Variants in CROCC observed in about 807,000 individuals in gnomAD.
CROCC encodes the protein rootletin.
In CROCC, 180 loss-of-function variants were observed where a neutral mutation model predicts 245.2. That is an observed-to-expected ratio of 0.73 (90% CI 0.65 to 0.83). CROCC has a LOEUF of 0.83. CROCC is among the 40% of genes least tolerant of loss of function. The pLI, the probability that CROCC is intolerant of heterozygous loss-of-function variation, is 0.00. For synonymous variants in CROCC, 1,205 were observed against 1,241.6 expected, an observed-to-expected ratio of 0.97 and a Z score of 0.62; for missense variants, 2,688 against 2,779.4, an observed-to-expected ratio of 0.97 and a Z score of 0.74.
At chr1:16,958,469 G>C in intron 25 of CROCC, 114 bp from the exon 26 acceptor site, 1 of 1,267,654 alleles carries the variant, frequency 7.9e-7, no homozygotes, top group Non-Finnish European at 1.1e-6. Flanking sequence ...AGTGGATGTG[G>C]GGTGGTATTT....
intron 2 of CROCC, 60 bp downstream of exon 2, chr1:16,922,858 C>T: frequency 1.3e-6 from 2 of 1,573,428 alleles, no homozygotes; most frequent in Non-Finnish European, 8.6e-7. Flanking sequence ...CTTCTCATGT[C>T]CCTTTCCTGA....
chr1:16,920,550 A>G (rs967632003), upstream of CROCC, among the ~76,000 whole-genome samples: 4 of 152,266 alleles, frequency 2.6e-5, no homozygotes, highest in East Asian at 3.8e-4. Context: ...AACCTGTTCA[A>G]GGTCTTACTG....
At position 16,940,071 on chromosome 1, in the gene CROCC, A is replaced by C; in HGVS notation, c.1786A>C (p.Ser596Arg). The change falls in exon 13 of 37, where the codon AGC becomes CGC. Residue 596 changes from serine to arginine, a missense_variant. Ser to Arg is a moderately radical substitution (Grantham distance 110). Transcript: ENST00000375541. Reference sequence around the variant, plus strand: ...CCAGCGCGAGGTGCAGCGGCTGCGGAGCGCCAACGAGCTCCTGAGCAGGTG... The same window carrying C: ...CCAGCGCGAGGTGCAGCGGCTGCGGCGCGCCAACGAGCTCCTGAGCAGGTG... Reference protein sequence around the residue: ...DAQREVQRLRSANELLSREKS... With the variant: ...DAQREVQRLRRANELLSREKS... 6.2e-7 allele frequency: 1 copy of C among 1,606,444 alleles called. No homozygotes were observed. The highest frequency in any genetic ancestry group is 1.7e-5 in the Admixed American group (1 of 59,362).
At chr1:16,947,771 C>A (rs1413202724) in intron 17 of CROCC, among the ~76,000 whole-genome samples, 1 of 152,242 alleles carries the variant, frequency 6.6e-6, no homozygotes, top group Non-Finnish European at 1.5e-5. Flanking sequence ...TAGAGTAATA[C>A]AAGGGTTCTG....
At chr1:16,927,584 A>G (rs546478535) in intron 3 of CROCC, among the ~76,000 whole-genome samples, 499 of 152,296 alleles carry the variant, frequency 3.3e-3, no homozygotes, top group Middle Eastern at 0.031. Flanking sequence ...GAAGGCTCAG[A>G]TGCACCAAAC....
intron 1 of CROCC, 62 bp downstream of exon 1, chr1:16,922,140 G>A (rs1346960148): frequency 2.1e-6 from 3 of 1,419,550 alleles, no homozygotes; most frequent in East Asian, 2.5e-5. Context: ...TAACAGGAGT[G>A]GTGAGAGGTG....
intron 32 of CROCC, among the ~76,000 whole-genome samples, 154 bp from the exon 33 acceptor site, chr1:16,969,631 G>A (rs2076479653): frequency 6.6e-6 from 1 of 152,234 alleles, no homozygotes; most frequent in African/African-American, 2.4e-5. Flanking sequence ...ATGCAGGTCA[G>A]TGGATAGGCC....
chr1:16,957,736 T>A (rs1396388010), intron 25 of CROCC, among the ~76,000 whole-genome samples: 1 of 152,160 alleles, frequency 6.6e-6, no homozygotes, highest in Non-Finnish European at 1.5e-5. Context: ...TGAGCCACGA[T>A]GCCTGGCCCC....
In CROCC at chr1:16,922,743, G is replaced by A; in HGVS notation, c.141G>A (p.Leu47=). The change falls in exon 2 of 37, where the codon CTG becomes CTA. Residue 47 remains leucine, a synonymous_variant. Transcript: ENST00000375541. The part of the protein sequence containing the change: ...DLAQDAQITS[L]PALIREIVTR... ...CCCAGGACGCTCAGATCACCAGCCT[G>A]CCTGCCCTTATCAGGGAGATTGTCA... 1 of 1,613,932 alleles carries A rather than the reference G, an allele frequency of 6.2e-7. No individual in the cohort carries two copies. The highest frequency in any genetic ancestry group is 8.5e-7 in the Non-Finnish European group (1 of 1,179,998).
intron 9 of CROCC, 97 bp downstream of exon 9, chr1:16,936,970 G>A: frequency 8.0e-7 from 1 of 1,256,264 alleles, no homozygotes. Context: ...TAGGGGAAGG[G>A]CCTTCCTCTG....
chr1:16,957,137 A>G (rs1355500073), intron 25 of CROCC, among the ~76,000 whole-genome samples: 1 of 152,150 alleles, frequency 6.6e-6, no homozygotes, highest in African/African-American at 2.4e-5. Context: ...GCCAGCTGTG[A>G]TGGCTCATGC....
At position 16,961,023 on chromosome 1, in the gene CROCC, T is replaced by A; in HGVS notation, c.4298T>A (p.Leu1433Gln). 7.6e-7 allele frequency: 1 copy of A among 1,308,694 alleles called. No individual in the cohort carries two copies. The highest frequency in any genetic ancestry group is 2.3e-5 in the South Asian group (1 of 43,968). The allele number at this position is 1,308,694 out of a possible 1,614,324, so 81.1% of individuals were successfully genotyped here. The change falls in exon 27 of 37, where the codon CTG becomes CAG. Residue 1433 changes from leucine (L) to glutamine (Q), a missense_variant. Physicochemically the swap from Leu to Gln is moderately radical, Grantham distance 113. Coordinates refer to ENST00000375541, the MANE Select transcript of CROCC (RefSeq NM_014675.5). Reference protein sequence around the residue: ...EVQRRAAEAQLGGLRSALRRG... With the variant: ...EVQRRAAEAQQGGLRSALRRG... ...CAGCGGCGCGCGGCGGAGGCCCAGCTGGGTGGCCTGCGCTCGGCTCTGCGC... is the reference window on the plus strand; with the variant it reads ...CAGCGGCGCGCGGCGGAGGCCCAGCAGGGTGGCCTGCGCTCGGCTCTGCGC...
In CROCC at chr1:16,939,134, C is replaced by A; in HGVS notation, c.1600C>A (p.Gln534Lys). 6.6e-7 allele frequency: 1 copy of A among 1,513,456 alleles called. No individual in the cohort carries two copies. The highest frequency in any genetic ancestry group is 8.8e-7 in the Non-Finnish European group (1 of 1,142,296). 93.8% of individuals were successfully genotyped at this position (1,513,456 alleles called of 1,614,324 possible). Reference sequence around the variant, plus strand: ...CTCCGCCCTGCACAAGCGCCAGCTGCAGGTCCAGGTAGGAAGGGGCTTGAG... The same window carrying A: ...CTCCGCCCTGCACAAGCGCCAGCTGAAGGTCCAGGTAGGAAGGGGCTTGAG... ...IHSALHKRQL[Q>K]VQDMRGRYEA... The change falls in exon 12 of 37, where the codon CAG (glutamine) becomes AAG (lysine). Residue 534 changes from glutamine to lysine, a missense_variant. Physicochemically the swap from Gln to Lys is moderately conservative, Grantham distance 53. This residue lies in a region of CROCC where 972 missense variants were observed against 895.3 expected (regional missense o/e 1.09). Transcript: ENST00000375541.
chr1:16,935,058 C>G (rs2075759195), intron 8 of CROCC, among the ~76,000 whole-genome samples: 1 of 152,252 alleles, frequency 6.6e-6, no homozygotes, highest in African/African-American at 2.4e-5. Context: ...AGCCACCACA[C>G]CCCGCTAAGT....
chr1:16,955,622 A>G (rs534598569), intron 24 of CROCC, 72 bp downstream of exon 24: 9 of 1,280,494 alleles, frequency 7.0e-6, no homozygotes, highest in African/African-American at 3.0e-5. Context: ...TTCACCCCCA[A>G]CGTTCTGGGG....
In CROCC at chr1:16,939,035, CCCGGCCGAGGCCGTTCACCCCG is replaced by C; in HGVS notation, c.1505_1526del (p.Gly502GlufsTer15). 2 of 1,594,918 alleles carry C rather than the reference CCCGGCCGAGGCCGTTCACCCCG, an allele frequency of 1.3e-6. No individual in the cohort carries two copies. Among genetic ancestry groups the C allele is most frequent in the Non-Finnish European group, 8.5e-7 (1 of 1,173,798 alleles). On this transcript the variant is annotated frameshift_variant, in exon 12 of 37. Coordinates refer to ENST00000375541, the MANE Select transcript of CROCC (RefSeq NM_014675.5). LOFTEE classifies it high-confidence loss of function. The stretch of plus-strand genomic sequence containing the variant: ...CCCGTCCCCACCGCGGCGCTCCTCG[CCCGGCCGAGGCCGTTCACCCCG>C]CCGAGGCCCCTCCCCGGCCTGCTCA...
At chr1:16,930,382 G>C (rs199891773) in intron 6 of CROCC, 35 bp downstream of exon 6, 4,620 of 1,610,296 alleles carry the variant, frequency 2.9e-3, no homozygotes, top group East Asian at 0.024. Flanking sequence ...GGGCTGGCAG[G>C]ATGGCCCCCT....
Position 16,955,359 on chromosome 1 carries a change from C to T in CROCC, c.3513C>T (p.Asp1171=), listed in dbSNP as rs150383004. ...TQLRLLEDAR[D]GLRRELLEAQ... The stretch of plus-strand genomic sequence containing the variant: ...TGCGTCTGCTGGAGGATGCCCGTGA[C>T]GGGCTGCGGCGGGAGCTGCTGGAGG... The change falls in exon 24 of 37, where the codon GAC becomes GAT. Residue 1171 remains aspartate, a synonymous_variant. Transcript: ENST00000375541. 301 of 1,607,322 alleles carry T rather than the reference C, an allele frequency of 1.9e-4. 1 individual carries two copies. The highest frequency in any genetic ancestry group is 1.2e-3 in the Middle Eastern group (7 of 5,982).
At chr1:16,938,851 GC>G in intron 11 of CROCC, 57 bp from the exon 12 acceptor site, 1 of 1,538,630 alleles carries the variant, frequency 6.5e-7, no homozygotes, top group Non-Finnish European at 8.9e-7. Flanking sequence ...TCTTTGCCCA[GC>G]TAACCCCGCG....
Sources: allele counts gnomAD v4.1 joint callset (sites outside exome capture counted in the v4.1 genomes callset), GRCh38; gene constraint gnomAD v4.1.1; regional missense constraint gnomAD v4.1.1; transcripts MANE v1.5; gene names NCBI Gene and HGNC (gene_info 2026-07-23, HGNC 2026-07-21).